Variants in SLC30A6 observed in about 807,000 individuals in gnomAD.
SLC30A6 encodes zinc transporter 6.
In SLC30A6, 55 loss-of-function variants were observed where a neutral mutation model predicts 63.0. That is an observed-to-expected ratio of 0.87 (90% CI 0.70 to 1.09). The LOEUF (loss-of-function observed/expected upper bound fraction) is 1.09, where lower values mean the gene tolerates loss of function less well. Ranked by LOEUF, SLC30A6 falls within the 50% of genes least tolerant of loss-of-function variation. The probability of loss-of-function intolerance (pLI) is 0.00; values close to 1 mark genes in which losing one functional copy is unlikely to be tolerated. For synonymous variants in SLC30A6, 224 were observed against 186.1 expected, an observed-to-expected ratio of 1.20 and a Z score of -1.66; for missense variants, 587 against 549.2, an observed-to-expected ratio of 1.07 and a Z score of -0.69.
intron 13 of SLC30A6, among the ~76,000 whole-genome samples, chr2:32,216,828 C>T (rs1685753101): frequency 6.6e-6 from 1 of 151,320 alleles, no homozygotes; most frequent in African/African-American, 2.4e-5. Flanking sequence ...GCATAGTTTG[C>T]AAATATTTTC....
intron 4 of SLC30A6, among the ~76,000 whole-genome samples, chr2:32,180,059 C>T (rs529890397): frequency 6.6e-6 from 1 of 152,092 alleles, no homozygotes; most frequent in Non-Finnish European, 1.5e-5. Context: ...GAGTTTGAGG[C>T]TGCAGAGAGC....
At chr2:32,201,678 A>G in intron 10 of SLC30A6, 1 of 1,482,946 alleles carries the variant, frequency 6.7e-7, no homozygotes, top group Non-Finnish European at 9.2e-7. Context: ...GAAGAAGGAG[A>G]GGCAGAAGAG....
intron 5 of SLC30A6, among the ~76,000 whole-genome samples, chr2:32,188,326 C>T (rs1683015823): frequency 1.3e-5 from 2 of 152,190 alleles, no homozygotes; most frequent in Non-Finnish European, 2.9e-5. Flanking sequence ...TCTCTTGTCA[C>T]ATCAGACTAC....
Position 32,220,795 on chromosome 2 carries a change from T to G in SLC30A6, c.*82T>G. 8.1e-7 allele frequency: 1 copy of G among 1,239,898 alleles called. No homozygotes were observed. Among genetic ancestry groups the G allele is most frequent in the Admixed American group, 2.3e-5 (1 of 43,192 alleles). The allele number at this position is 1,239,898 out of a possible 1,614,324, so 76.8% of individuals were successfully genotyped here. A position where few individuals can be genotyped will look rare whatever the true frequency, so the allele number is the denominator to read the frequency against. On this transcript the variant is annotated 3_prime_UTR_variant, in exon 14 of 14. Transcript: ENST00000282587. ...GTAATCCAACTTTGCATTGACTGTT[T>G]AATCATTTACTCTAAATGTTAGATA...
intron 8 of SLC30A6, among the ~76,000 whole-genome samples, chr2:32,194,907 A>C (rs533143262): frequency 6.6e-6 from 1 of 152,312 alleles, no homozygotes; most frequent in East Asian, 1.9e-4. Flanking sequence ...AAGATGGTGC[A>C]AAGATTTAGA....
intron 1 of SLC30A6, 31 bp downstream of exon 1, chr2:32,165,934 C>G (rs1216096570): frequency 6.2e-7 from 1 of 1,614,036 alleles, no homozygotes; most frequent in African/African-American, 1.3e-5. Context: ...AGGGTTTCGG[C>G]TGTAGCTGAT....
chr2:32,212,220 G>A (rs1322255982), intron 13 of SLC30A6, among the ~76,000 whole-genome samples: 1 of 150,962 alleles, frequency 6.6e-6, no homozygotes, highest in Non-Finnish European at 1.5e-5. Flanking sequence ...TTTTTTTCTT[G>A]TATTACAATT....
chr2:32,199,355 C>A (rs1259680091), intron 10 of SLC30A6, among the ~76,000 whole-genome samples: 1 of 152,100 alleles, frequency 6.6e-6, no homozygotes, highest in Admixed American at 6.6e-5. Context: ...TGGGTATATA[C>A]CCAGAAGTGA....
At chr2:32,215,132 T>C (rs1361795896) in intron 13 of SLC30A6, among the ~76,000 whole-genome samples, 2 of 152,158 alleles carry the variant, frequency 1.3e-5, no homozygotes, top group African/African-American at 2.4e-5. Flanking sequence ...TTTTTTCTTT[T>C]TTGAAAATCT....
intron 3 of SLC30A6, among the ~76,000 whole-genome samples, chr2:32,174,506 A>G (rs1476177217): frequency 6.8e-6 from 1 of 146,258 alleles, no homozygotes; most frequent in Non-Finnish European, 1.5e-5. Flanking sequence ...TTCATTTTAA[A>G]TAAGCTGTTA....
chr2:32,192,528 G>A (rs1683422999), intron 6 of SLC30A6, 112 bp downstream of exon 6: 4 of 854,444 alleles, frequency 4.7e-6, no homozygotes, highest in Non-Finnish European at 5.5e-6. Flanking sequence ...GATGAGCAGG[G>A]CTGGAGTTTT....
intron 12 of SLC30A6, among the ~76,000 whole-genome samples, chr2:32,207,187 A>G (rs557386312): frequency 2.0e-5 from 3 of 152,074 alleles, no homozygotes; most frequent in African/African-American, 7.2e-5. Context: ...TATAAATGCT[A>G]TGATTTTTAT....
Position 32,173,970 on chromosome 2 carries a change from C to A in SLC30A6, c.91-93C>A. On this transcript the variant is annotated intron_variant, in intron 2 of 13. Transcript: ENST00000282587. ...TTTTTGAAGGAAGTTATGTTTATTC[C>A]TTTGAATATCAGAGTATAAATTGTA... 4 of 889,200 alleles carry A rather than the reference C, an allele frequency of 4.5e-6. No homozygotes were observed. In the South Asian group the frequency reaches 8.0e-5, roughly 18 times the overall value. 55.1% of individuals were successfully genotyped at this position (889,200 alleles called of 1,614,324 possible).
intron 13 of SLC30A6, among the ~76,000 whole-genome samples, chr2:32,210,900 C>T (rs1260809974): frequency 2.6e-5 from 4 of 152,120 alleles, no homozygotes; most frequent in African/African-American, 9.7e-5. Context: ...TGGGAAGGTG[C>T]CAAATGACCA....
rs1340755888 is a variant in SLC30A6 at position 32,193,964 on chromosome 2, T to G, written c.477T>G (p.Pro159=). 1 of 1,612,616 alleles carries G rather than the reference T, an allele frequency of 6.2e-7. No homozygotes were observed. The highest frequency in any genetic ancestry group is 8.5e-7 in the Non-Finnish European group (1 of 1,179,328). ...CGATGCTTTCTATTCGGAATAAACCTTTTGCTTATGTCTCAGAAGGTATGT... is the reference window on the plus strand; with the variant it reads ...CGATGCTTTCTATTCGGAATAAACCGTTTGCTTATGTCTCAGAAGGTATGT... The part of the protein sequence containing the change: ...LFTMLSIRNK[P]FAYVSEAAST... The change falls in exon 8 of 14, where the codon CCT becomes CCG. Residue 159 remains proline, a synonymous_variant. Coordinates refer to ENST00000282587, the MANE Select transcript of SLC30A6 (RefSeq NM_017964.5).
intron 5 of SLC30A6, 88 bp downstream of exon 5, chr2:32,184,426 C>A: frequency 1.4e-6 from 1 of 712,638 alleles, no homozygotes; most frequent in Admixed American, 3.5e-5. Context: ...TAGAGTATTT[C>A]TGGAAAATAA....
chr2:32,213,830 GTC>G (rs1157169542), intron 13 of SLC30A6, among the ~76,000 whole-genome samples: 1 of 121,566 alleles, frequency 8.2e-6, no homozygotes, highest in Non-Finnish European at 1.6e-5. Flanking sequence ...TTGAGACGGA[GTC>G]TCACACTGTC....
intron 13 of SLC30A6, among the ~76,000 whole-genome samples, chr2:32,219,427 A>G (rs559699487): frequency 6.7e-6 from 1 of 149,286 alleles, no homozygotes; most frequent in Admixed American, 6.7e-5. Flanking sequence ...CCCCTGAAAT[A>G]CTTGGACTTC....
intron 10 of SLC30A6, chr2:32,203,821 A>G: frequency 7.0e-7 from 1 of 1,438,366 alleles, no homozygotes; most frequent in South Asian, 1.2e-5. Flanking sequence ...CACATCTTCT[A>G]ATTCCAGACA....
Sources: allele counts gnomAD v4.1 joint callset (sites outside exome capture counted in the v4.1 genomes callset), GRCh38; gene constraint gnomAD v4.1.1; transcripts MANE v1.5; gene names NCBI Gene and HGNC (gene_info 2026-07-23, HGNC 2026-07-21).